Variants in TBCE observed in about 807,000 individuals in gnomAD.
TBCE encodes tubulin folding cofactor E.
Under a neutral mutation model 77.0 loss-of-function variants are expected in TBCE, and 53 were observed. That is an observed-to-expected ratio of 0.69 (90% CI 0.55 to 0.87). The LOEUF (loss-of-function observed/expected upper bound fraction) is 0.87. Ranked by LOEUF, TBCE falls within the 40% of genes least tolerant of loss-of-function variation. TBCE has a pLI of 0.00. For missense variants in TBCE, 624 were observed against 622.4 expected (o/e 1.00, Z -0.03); for synonymous variants, 235 against 241.3 (o/e 0.97, Z 0.24).
chr1:235,406,003 T>C (rs552722708), intron 3 of TBCE, among the ~76,000 whole-genome samples: 2 of 152,372 alleles, frequency 1.3e-5, no homozygotes, highest in Admixed American at 6.5e-5. Flanking sequence ...GAATAACTGC[T>C]TACTTCATTA....
Position 235,434,230 on chromosome 1 carries a change from A to T in TBCE, c.687A>T (p.Pro229=). ...AEVLRCVAGC[P]GLEELYLESN... ...TGCTGCGGTGTGTCGCGGGGTGCCC[A>T]GGCCTGGAGGAACTCTACCTTGAGT... Residue 229 remains proline (P), a synonymous_variant, in exon 8 of 17, where the codon CCA becomes CCT. Transcript: ENST00000642610. 1 of 1,614,152 alleles carries T rather than the reference A, an allele frequency of 6.2e-7. No individual in the cohort carries two copies.
At chr1:235,424,744 A>T (rs931883689) in intron 5 of TBCE, among the ~76,000 whole-genome samples, 12 of 152,008 alleles carry the variant, frequency 7.9e-5, no homozygotes, top group African/African-American at 2.7e-4. Context: ...ACCTCAGGTG[A>T]TCCGCCCGCC....
At chr1:235,443,012 C>A in intron 15 of TBCE, 101 bp downstream of exon 15, 1 of 1,155,042 alleles carries the variant, frequency 8.7e-7, no homozygotes, top group Non-Finnish European at 1.3e-6. Context: ...AAAGTGTGGA[C>A]CTCAGAACTT....
intron 3 of TBCE, among the ~76,000 whole-genome samples, chr1:235,410,039 C>T (rs947179429): frequency 2.8e-5 from 4 of 144,540 alleles, no homozygotes; most frequent in Non-Finnish European, 4.5e-5. Context: ...CAAACAAAAA[C>T]AAAAACAAAA....
intron 2 of TBCE, among the ~76,000 whole-genome samples, chr1:235,390,875 A>T (rs942453767): frequency 1.3e-5 from 2 of 152,100 alleles, no homozygotes; most frequent in Non-Finnish European, 2.9e-5. Context: ...TCATGAGCTA[A>T]GGAGTGTGCA....
At chr1:235,385,873 T>G (rs1350529804) in intron 2 of TBCE, among the ~76,000 whole-genome samples, 2 of 152,132 alleles carry the variant, frequency 1.3e-5, no homozygotes, top group Non-Finnish European at 2.9e-5. Context: ...ATGTTAGCTG[T>G]TTATTTTGCT....
chr1:235,378,024 A>C (rs151085189), intron 1 of TBCE, among the ~76,000 whole-genome samples: 10 of 152,308 alleles, frequency 6.6e-5, no homozygotes, highest in Admixed American at 6.5e-5. Context: ...TCAGATATCT[A>C]TATACCAATG....
chr1:235,447,466 C>A (rs371610478), intron 15 of TBCE, among the ~76,000 whole-genome samples: 2 of 152,256 alleles, frequency 1.3e-5, no homozygotes, highest in South Asian at 4.2e-4. Context: ...AGCATTTACT[C>A]GGAAGTTACA....
intron 1 of TBCE, among the ~76,000 whole-genome samples, chr1:235,379,361 A>G (rs577738859): frequency 4.6e-5 from 7 of 151,988 alleles, no homozygotes; most frequent in African/African-American, 1.7e-4. Flanking sequence ...AACCCCGTCT[A>G]TACTAAAAAT....
chr1:235,443,129 G>A (rs1682009838), intron 15 of TBCE, among the ~76,000 whole-genome samples: 1 of 151,762 alleles, frequency 6.6e-6, no homozygotes, highest in African/African-American at 2.4e-5. Context: ...TCAGCTGAAA[G>A]CAGTTCTGTT....
rs1682936980 is a variant in TBCE, at chr1:235,452,034, A to C, written c.*3272A>C. The C allele has an allele frequency of 6.6e-6, 1 of 151,218 alleles. No individual in the cohort carries two copies. The highest frequency in any genetic ancestry group is 1.5e-5 in the Non-Finnish European group (1 of 68,000). The allele number at this position is 151,218 out of a possible 1,614,324, so 9.4% of individuals were successfully genotyped here. A position where few individuals can be genotyped will look rare whatever the true frequency, so the allele number is the denominator to read the frequency against. ...CTGTCGTTCAGTTTTTTTTTTTGAGACGGAGTCTCGCTCTGTCGCCCAGGC... is the reference window on the plus strand; with the variant it reads ...CTGTCGTTCAGTTTTTTTTTTTGAGCCGGAGTCTCGCTCTGTCGCCCAGGC... On this transcript the variant is annotated 3_prime_UTR_variant, in exon 17 of 17. Coordinates refer to ENST00000642610, the MANE Select transcript of TBCE (RefSeq NM_003193.5).
At chr1:235,427,912 C>A (rs1680821254) in intron 6 of TBCE, among the ~76,000 whole-genome samples, 1 of 152,064 alleles carries the variant, frequency 6.6e-6, no homozygotes, top group Non-Finnish European at 1.5e-5. Flanking sequence ...CAACTGTAGT[C>A]CCAGCTACTC....
chr1:235,420,313 C>T (rs1284190139), intron 5 of TBCE, among the ~76,000 whole-genome samples: 2 of 149,268 alleles, frequency 1.3e-5, no homozygotes, highest in Non-Finnish European at 3.0e-5. Flanking sequence ...TTTTCTCATG[C>T]AGTTCTTTTT....
At chr1:235,417,099 C>G (rs914338613) in intron 4 of TBCE, among the ~76,000 whole-genome samples, 5 of 152,122 alleles carry the variant, frequency 3.3e-5, no homozygotes, top group Admixed American at 6.6e-5. Context: ...GCTTTGAGAT[C>G]GTACCACTAA....
chr1:235,406,473 C>T (rs1306930726), intron 3 of TBCE, among the ~76,000 whole-genome samples: 4 of 152,180 alleles, frequency 2.6e-5, no homozygotes, highest in Non-Finnish European at 5.9e-5. Flanking sequence ...TCAGGGCATC[C>T]GCACAGACTA....
intron 4 of TBCE, among the ~76,000 whole-genome samples, chr1:235,417,726 TCTG>T (rs1243420356): frequency 1.3e-5 from 2 of 151,974 alleles, no homozygotes; most frequent in Non-Finnish European, 2.9e-5. Flanking sequence ...AACCTTGAAT[TCTG>T]CTGCTGCCTT....
chr1:235,415,515 GGTGGCCACTGTGAGGATAAATTT>G (rs1293577020), intron 4 of TBCE: 1 of 152,122 alleles, frequency 6.6e-6, no homozygotes, highest in Non-Finnish European at 1.5e-5. Context: ...AAGGACCCCT[GGTGGCCACTGTGAGGATAAATTT>G]GTGGCCACTT....
intron 3 of TBCE, 99 bp downstream of exon 3, chr1:235,401,686 G>A: frequency 9.7e-7 from 1 of 1,028,494 alleles, no homozygotes. Context: ...GGCTCATGGA[G>A]TAGTTATATT....
At chr1:235,437,154 A>C (rs903156916) in intron 11 of TBCE, among the ~76,000 whole-genome samples, 168 bp from the exon 12 acceptor site, 2 of 151,684 alleles carry the variant, frequency 1.3e-5, no homozygotes, top group Non-Finnish European at 2.9e-5. Context: ...CAAAACAAAA[A>C]ACAACAGTAA....
Sources: gnomAD v4.1 joint callset for allele counts (sites outside exome capture counted in the v4.1 genomes callset) on GRCh38, gnomAD v4.1.1 for gene constraint, MANE v1.5 for transcripts, NCBI Gene and HGNC (gene_info 2026-07-23, HGNC 2026-07-21) for gene names.